The following RGS6 variants were observed in gnomAD, a reference collection of about 807,000 sequenced individuals.
RGS6 encodes regulator of G protein signaling 6.
Under a neutral mutation model 78.5 loss-of-function variants are expected in RGS6, and 30 were observed. That is an observed-to-expected ratio of 0.38 (90% confidence interval 0.29 to 0.52). The LOEUF is 0.52. Among genes scored for constraint, RGS6 ranks in the 20% least tolerant of loss-of-function variants. RGS6 has a pLI of 0.85. For missense variants in RGS6, 495 were observed against 609.7 expected, an observed-to-expected ratio of 0.81 and a Z score of 1.98; for synonymous variants, 206 against 206.0, an observed-to-expected ratio of 1.00 and a Z score of 0.00.
intron 3 of RGS6, among the ~76,000 whole-genome samples, chr14:72,369,949 A>G (rs1329161392): frequency 6.6e-6 from 1 of 152,142 alleles, no homozygotes; most frequent in Non-Finnish European, 1.5e-5. Flanking sequence ...TAATGCTTCC[A>G]TTGCTTTGAT....
chr14:72,588,115 T>C, the RGS6 span, among the ~76,000 whole-genome samples: 5 of 152,044 alleles, frequency 3.3e-5, no homozygotes, highest in Non-Finnish European at 7.4e-5. Flanking sequence ...ATGGTATAGA[T>C]AAAAGACACT....
At chr14:72,041,294 A>T (rs1418699797) in intron 2 of RGS6, among the ~76,000 whole-genome samples, 1 of 152,064 alleles carries the variant, frequency 6.6e-6, no homozygotes, top group Non-Finnish European at 1.5e-5. Context: ...TTCTCTGGAG[A>T]TGTGTCTTGT....
intron 2 of RGS6, among the ~76,000 whole-genome samples, chr14:72,317,637 T>G (rs1283732951): frequency 6.6e-6 from 1 of 152,160 alleles, no homozygotes; most frequent in Non-Finnish European, 1.5e-5. Flanking sequence ...TGTTGATTTG[T>G]AAAATGGCCA....
intron 12 of RGS6, among the ~76,000 whole-genome samples, chr14:72,491,209 C>A (rs2096573739): frequency 6.6e-6 from 1 of 151,810 alleles, no homozygotes; most frequent in African/African-American, 2.4e-5. Flanking sequence ...GGATCGATAA[C>A]CATAAAAATA....
chr14:72,243,754 CT>C (rs772601683), intron 2 of RGS6, among the ~76,000 whole-genome samples: 215 of 145,636 alleles, frequency 1.5e-3, no homozygotes, highest in Middle Eastern at 7.1e-3. Context: ...GGAAAAGCAC[CT>C]TTTTTTTTTT....
the RGS6 span, among the ~76,000 whole-genome samples, chr14:72,580,534 A>C: frequency 6.6e-6 from 1 of 152,116 alleles, no homozygotes; most frequent in African/African-American, 2.4e-5. Flanking sequence ...AGCTGTTTTC[A>C]CTGCAGTCAC....
chr14:71,924,502 C>T, the RGS6 span, among the ~76,000 whole-genome samples: 29 of 152,122 alleles, frequency 1.9e-4, 1 homozygote, highest in Non-Finnish European at 4.1e-4. Flanking sequence ...ACATACTCAT[C>T]CTACATAACT....
At chr14:72,614,841 G>A in the RGS6 span, among the ~76,000 whole-genome samples, 4 of 140,944 alleles carry the variant, frequency 2.8e-5, no homozygotes, top group South Asian at 2.4e-4. Context: ...TCCTTAGCTC[G>A]AGGATTTCTC....
chr14:72,288,867 G>T (rs2063068813), intron 2 of RGS6, among the ~76,000 whole-genome samples: 1 of 152,152 alleles, frequency 6.6e-6, no homozygotes, highest in Admixed American at 6.5e-5. Flanking sequence ...AAGGGCAACA[G>T]TTTTCCTGCT....
intron 13 of RGS6, among the ~76,000 whole-genome samples, chr14:72,498,046 G>A (rs1483331485): frequency 2.6e-5 from 4 of 152,078 alleles, no homozygotes; most frequent in African/African-American, 4.8e-5. Context: ...TTTCACTGGT[G>A]TCCATTCTGT....
intron 2 of RGS6, among the ~76,000 whole-genome samples, chr14:72,035,003 C>G (rs1423176373): frequency 2.0e-5 from 3 of 152,226 alleles, no homozygotes; most frequent in East Asian, 3.9e-4. Flanking sequence ...TCCCACTGTC[C>G]CATTTCATCC....
chr14:72,420,449 CTT>C, intron 3 of RGS6, among the ~76,000 whole-genome samples: 1 of 152,344 alleles, frequency 6.6e-6, no homozygotes, highest in South Asian at 2.1e-4. Context: ...CTTAATTACA[CTT>C]TTTAATAACC....
intron 3 of RGS6, among the ~76,000 whole-genome samples, chr14:72,424,803 G>T (rs957408826): frequency 5.3e-5 from 8 of 152,154 alleles, no homozygotes; most frequent in East Asian, 3.8e-4. Flanking sequence ...GTTCTGGGGG[G>T]GCAATGCTAT....
At position 72,154,077 on chromosome 14, in the gene RGS6, G is replaced by A. The variant is rs115055012; in HGVS notation, c.84+189202G>A. 6.8e-3 allele frequency among the ~76,000 whole-genome samples: 1,042 copies of A among 152,148 alleles called. 15 individuals are homozygous for A. The highest frequency in any genetic ancestry group is 0.024 in the African/African-American group (980 of 41,504). ...CCCAGGAATGCATTCGTTTCCTAGC[G>A]TATTAATATTAATATTCCTTGCTAG... On this transcript the variant is annotated intron_variant, in intron 2 of 17. Transcript: ENST00000553525.
chr14:72,540,023 T>C lies in RGS6; in HGVS notation c.1369-18T>C. ...TTTTCTGTATTTTTCTCCCTACCCT[T>C]TTTTTTTTTTCCTAAAGCCAGAAAG... On this transcript the variant is annotated intron_variant, in intron 16 of 17. Transcript: ENST00000553525. 7.1e-7 allele frequency: 1 copy of C among 1,417,856 alleles called. No individual in the cohort carries two copies. Among genetic ancestry groups the C allele is most frequent in the Admixed American group, 2.3e-5 (1 of 42,632 alleles). 87.8% of individuals were successfully genotyped at this position (1,417,856 alleles called of 1,614,324 possible). A position where few individuals can be genotyped will look rare whatever the true frequency, so the allele number is the denominator to read the frequency against.
chr14:72,554,964 G>GT (rs948541556), intron 17 of RGS6, among the ~76,000 whole-genome samples: 1 of 152,178 alleles, frequency 6.6e-6, no homozygotes, highest in African/African-American at 2.4e-5. Flanking sequence ...ATGGAGAAAG[G>GT]TCCCCCATCA....
At position 72,434,115 on chromosome 14, in the gene RGS6, C is replaced by G. The variant is rs115247687; in HGVS notation, c.185-20413C>G. The stretch of plus-strand genomic sequence containing the variant: ...CTTTGGGAAACTGAGGCAGGAGGAT[C>G]TCTTGAGCCCAGGAGTTTGAGATCA... On this transcript the variant is annotated intron_variant, in intron 3 of 17. Transcript: ENST00000553525. Among the ~76,000 whole-genome samples the G allele has an allele frequency of 4.0e-3, 609 of 152,324 alleles. 7 individuals are homozygous for G. The highest frequency in any genetic ancestry group is 0.014 in the African/African-American group (578 of 41,560).
intron 3 of RGS6, among the ~76,000 whole-genome samples, chr14:72,362,915 G>A (rs1001766277): frequency 1.3e-5 from 2 of 152,158 alleles, no homozygotes; most frequent in Non-Finnish European, 1.5e-5. Context: ...TGGAAACCCA[G>A]GAAAAGTCAT....
chr14:72,360,028 G>A (rs2081147544), intron 3 of RGS6, among the ~76,000 whole-genome samples: 1 of 152,020 alleles, frequency 6.6e-6, no homozygotes, highest in South Asian at 2.1e-4. Context: ...CGTTAGGTCA[G>A]AACAGGTAGA....
Sources: gnomAD v4.1 joint callset for allele counts (sites outside exome capture counted in the v4.1 genomes callset) on GRCh38, gnomAD v4.1.1 for gene constraint, MANE v1.5 for transcripts, NCBI Gene and HGNC (gene_info 2026-07-23, HGNC 2026-07-21) for gene names.